Variants in FER observed in about 807,000 individuals in gnomAD.
FER encodes the protein tyrosine-protein kinase Fer.
FER carries 63 observed loss-of-function variants against 111.0 expected under a neutral mutation model. The observed-to-expected ratio is 0.57, with a 90% CI of 0.46 to 0.70. FER has a LOEUF of 0.70. FER is among the 30% of genes least tolerant of loss of function. The pLI, the probability that FER is intolerant of heterozygous loss-of-function variation, is 0.00. For synonymous variants in FER, 327 were observed against 313.9 expected (o/e 1.04, Z -0.44); for missense variants, 914 against 954.0 (o/e 0.96, Z 0.55).
chr5:108,808,107 G>C (rs1757385798), intron 3 of FER, among the ~76,000 whole-genome samples: 1 of 151,594 alleles, frequency 6.6e-6, no homozygotes, highest in Non-Finnish European at 1.5e-5. Context: ...TATGATACAT[G>C]GAATATTTCC....
At chr5:109,012,394 T>G (rs1766400711) in intron 13 of FER, among the ~76,000 whole-genome samples, 1 of 152,202 alleles carries the variant, frequency 6.6e-6, no homozygotes, top group Non-Finnish European at 1.5e-5. Flanking sequence ...GATGGCAAGT[T>G]TCACGTGTCA....
chr5:109,096,240 T>G (rs1263859928), intron 16 of FER, among the ~76,000 whole-genome samples: 3 of 152,014 alleles, frequency 2.0e-5, no homozygotes, highest in African/African-American at 7.2e-5. Flanking sequence ...TCATTAAAAG[T>G]TGGCTGCAAA....
chr5:109,102,789 G>T (rs1279562124), intron 17 of FER, among the ~76,000 whole-genome samples: 1 of 151,544 alleles, frequency 6.6e-6, no homozygotes, highest in Non-Finnish European at 1.5e-5. Context: ...TGGATACATT[G>T]TTTTTTTCAT....
At chr5:109,151,288 A>G (rs1037518331) in intron 17 of FER, among the ~76,000 whole-genome samples, 1 of 152,164 alleles carries the variant, frequency 6.6e-6, no homozygotes, top group Non-Finnish European at 1.5e-5. Context: ...ATTGTTGGCA[A>G]GACTACTAAA....
intron 16 of FER, among the ~76,000 whole-genome samples, chr5:109,082,081 A>C (rs1173896342): frequency 6.6e-6 from 1 of 152,016 alleles, no homozygotes; most frequent in African/African-American, 2.4e-5. Context: ...TACTTTAATG[A>C]TAAGTTAGAA....
chr5:109,037,524 T>G (rs376452998), intron 14 of FER, 46 bp downstream of exon 14: 1 of 1,497,744 alleles, frequency 6.7e-7, no homozygotes. Context: ...CTATATTGAT[T>G]GTGAAGACTG....
At chr5:108,819,453 C>T (rs542413929) in intron 3 of FER, among the ~76,000 whole-genome samples, 24 of 152,278 alleles carry the variant, frequency 1.6e-4, no homozygotes, top group African/African-American at 5.3e-4. Context: ...AATGTGAGCT[C>T]TTCCATTATT....
At chr5:108,864,956 C>T (rs1419282119) in intron 5 of FER, among the ~76,000 whole-genome samples, 1 of 151,880 alleles carries the variant, frequency 6.6e-6, no homozygotes, top group Non-Finnish European at 1.5e-5. Context: ...GGCAGTATGG[C>T]CATTTTCACG....
intron 11 of FER, among the ~76,000 whole-genome samples, chr5:108,947,251 T>G (rs902191886): frequency 6.6e-6 from 1 of 152,062 alleles, no homozygotes; most frequent in Non-Finnish European, 1.5e-5. Flanking sequence ...AATTCTCTAT[T>G]TAAGCTTTTG....
chr5:109,186,438 C>A, intron 19 of FER, 116 bp downstream of exon 19: 1 of 1,472,832 alleles, frequency 6.8e-7, no homozygotes, highest in Non-Finnish European at 9.3e-7. Flanking sequence ...TGTTATGAGA[C>A]CATCTCTGGG....
chr5:109,122,291 C>G (rs1321155202), intron 17 of FER, among the ~76,000 whole-genome samples: 3 of 152,024 alleles, frequency 2.0e-5, no homozygotes, highest in Non-Finnish European at 2.9e-5. Flanking sequence ...TGTAGCAGGA[C>G]ATTTTTTAAT....
rs560171974 is a variant in FER at position 109,001,332 on chromosome 5, C to T, written c.1657-36090C>T. Among the ~76,000 whole-genome samples, 4 of 152,236 alleles carry T rather than the reference C, an allele frequency of 2.6e-5. No homozygotes were observed. In the East Asian group the frequency reaches 5.8e-4, roughly 22 times the overall value. The stretch of plus-strand genomic sequence containing the variant: ...TGGGATGCAAGGCTGGTTCAACATA[C>T]GAAAATCAATAAACGTAATCCAGCG... On this transcript the variant is annotated intron_variant, in intron 13 of 19. Transcript: ENST00000281092.
intron 17 of FER, among the ~76,000 whole-genome samples, chr5:109,133,402 C>T (rs1752569836): frequency 6.6e-6 from 1 of 152,090 alleles, no homozygotes; most frequent in Non-Finnish European, 1.5e-5. Context: ...ACTCTGTTAG[C>T]TATTTCAGGA....
At chr5:108,787,161 C>T (rs991001951) in intron 2 of FER, among the ~76,000 whole-genome samples, 1 of 152,204 alleles carries the variant, frequency 6.6e-6, no homozygotes, top group African/African-American at 2.4e-5. Flanking sequence ...CCTGGCCTCT[C>T]CCTGCTTCTG....
At chr5:109,155,337 AAAGT>A (rs1471181214) in intron 17 of FER, among the ~76,000 whole-genome samples, 12 of 152,090 alleles carry the variant, frequency 7.9e-5, no homozygotes, top group African/African-American at 2.9e-4. Context: ...TCAAGTTAAA[AAAGT>A]AAGATGAACA....
rs373849561 is a variant in FER, at chr5:109,125,045, C to CAAA, written c.2048+24543_2048+24545dup. Among the ~76,000 whole-genome samples, 400 of 75,570 alleles carry CAAA rather than the reference C, an allele frequency of 5.3e-3. 5 individuals carry two copies. Among genetic ancestry groups the CAAA allele is most frequent in the African/African-American group, 0.016 (377 of 23,096 alleles). The allele number at this position is 75,570 out of a possible 152,430, so 49.6% of individuals were successfully genotyped here. On this transcript the variant is annotated intron_variant, in intron 17 of 19. Coordinates refer to ENST00000281092, the MANE Select transcript of FER (RefSeq NM_005246.4). The stretch of plus-strand genomic sequence containing the variant: ...TGGGCGACAGAGTGAGACTCTGTCT[C>CAAA]AAAAAAAAAAAAAAAAAAAGAAGAA...
intron 11 of FER, among the ~76,000 whole-genome samples, chr5:108,947,669 C>G (rs913542663): frequency 2.6e-5 from 4 of 151,136 alleles, no homozygotes; most frequent in African/African-American, 7.3e-5. Flanking sequence ...TTTAACACAC[C>G]TAAGTTTTTT....
chr5:108,799,126 G>A (rs531587274), intron 3 of FER, among the ~76,000 whole-genome samples: 4 of 152,282 alleles, frequency 2.6e-5, no homozygotes, highest in African/African-American at 7.2e-5. Flanking sequence ...AAAAATATTA[G>A]TATATTGTTG....
intron 9 of FER, among the ~76,000 whole-genome samples, chr5:108,895,641 T>G (rs910776224): frequency 1.3e-5 from 2 of 152,202 alleles, no homozygotes; most frequent in African/African-American, 2.4e-5. Flanking sequence ...TAGGCCCACC[T>G]GAATAATACA....
Sources: gnomAD v4.1 joint callset for allele counts (sites outside exome capture counted in the v4.1 genomes callset) on GRCh38, gnomAD v4.1.1 for gene constraint, MANE v1.5 for transcripts, NCBI Gene and HGNC (gene_info 2026-07-23, HGNC 2026-07-21) for gene names.